The following NVL variants were observed in gnomAD, a reference collection of about 807,000 sequenced individuals.
NVL encodes nuclear VCP like.
NVL carries 84 observed loss-of-function variants against 110.2 expected under a neutral mutation model. The observed-to-expected ratio is 0.76, with a 90% CI of 0.64 to 0.91. The LOEUF is 0.91. Among genes scored for constraint, NVL ranks in the 40% least tolerant of loss-of-function variants. NVL has a pLI of 0.00. For missense variants in NVL, 882 were observed against 1,035.9 expected, an observed-to-expected ratio of 0.85 and a Z score of 2.04; for synonymous variants, 354 against 361.1, an observed-to-expected ratio of 0.98 and a Z score of 0.22.
intron 21 of NVL, 137 bp downstream of exon 21, chr1:224,233,064 C>T (rs375475889): frequency 2.1e-4 from 129 of 627,108 alleles, no homozygotes; most frequent in African/African-American, 1.6e-3. Context: ...TATTTCAGAA[C>T]AGCTTCTAAC....
chr1:224,283,037 C>T (rs1376252479), intron 15 of NVL, among the ~76,000 whole-genome samples: 1 of 152,168 alleles, frequency 6.6e-6, no homozygotes, highest in Admixed American at 6.5e-5. Context: ...TAGTCTTGCA[C>T]CCCTTGGAGA....
intron 16 of NVL, among the ~76,000 whole-genome samples, chr1:224,278,723 A>G (rs980414563): frequency 1.3e-5 from 2 of 152,092 alleles, no homozygotes; most frequent in African/African-American, 4.8e-5. Context: ...TTATAAAAAT[A>G]GTTAGCAATA....
At chr1:224,318,010 T>C in intron 2 of NVL, 80 bp from the exon 3 acceptor site, 2 of 938,000 alleles carry the variant, frequency 2.1e-6, no homozygotes, top group East Asian at 4.9e-5. Flanking sequence ...ATGGATCAAA[T>C]AAATTTTCAT....
At position 224,286,113 on chromosome 1, in the gene NVL, T is replaced by A. The variant is rs772815206; in HGVS notation, c.1812A>T (p.Pro604=). 1 of 1,613,954 alleles carries A rather than the reference T, an allele frequency of 6.2e-7. No homozygotes were observed. ...TMAILAPVRN[P]DQFKALGLVT... ...CCAATCCAAGAGCTTTGAACTGGTC[T>A]GGGTTGCGTACTGGTGCCTGGAAAT... is the stretch of plus-strand genomic sequence containing the variant. The change falls in exon 15 of 23, where the codon CCA becomes CCT. Residue 604 remains proline (P), a synonymous_variant. Transcript: ENST00000281701.
chr1:224,295,496 A>G (rs977483145), intron 11 of NVL, among the ~76,000 whole-genome samples: 6 of 152,016 alleles, frequency 3.9e-5, no homozygotes, highest in Admixed American at 2.0e-4. Flanking sequence ...CACTGCGCCC[A>G]GCCACAGTGT....
At chr1:224,314,601 T>C (rs10799562) in intron 4 of NVL, among the ~76,000 whole-genome samples, 128,618 of 152,172 alleles carry the variant, frequency 0.85, 56,266 homozygotes, top group Non-Finnish European at 0.94. Flanking sequence ...CGGGGGGAAG[T>C]TGACTCTAGG....
At chr1:224,267,041 C>G (rs1664562964) in intron 18 of NVL, among the ~76,000 whole-genome samples, 2 of 152,170 alleles carry the variant, frequency 1.3e-5, no homozygotes. Context: ...CTTGCAATTT[C>G]CTGAGTGCCA....
At chr1:224,233,336 T>C (rs1222494862) in intron 20 of NVL, 47 bp from the exon 21 acceptor site, 2 of 1,454,936 alleles carry the variant, frequency 1.4e-6, no homozygotes, top group Admixed American at 4.7e-5. Context: ...TACTGCAAAA[T>C]CCCAGAAAAA....
In NVL at chr1:224,328,656, AC is replaced by A. The variant is rs554044503; in HGVS notation, c.57+1414del. Reference sequence around the variant, plus strand: ...GGAATATATTTTGAAAGTAAAGCCAACCAGGCTGTTGACAGATGGTATACAG... The same window carrying A: ...GGAATATATTTTGAAAGTAAAGCCAACAGGCTGTTGACAGATGGTATACAG... On this transcript the variant is annotated intron_variant, in intron 1 of 22. Coordinates refer to ENST00000281701, the MANE Select transcript of NVL (RefSeq NM_002533.4). Among the ~76,000 whole-genome samples the A allele has an allele frequency of 5.3e-5, 8 of 152,254 alleles. No homozygotes were observed. The East Asian group carries it at 1.5e-3, about 29-fold the overall frequency.
intron 1 of NVL, among the ~76,000 whole-genome samples, chr1:224,327,862 A>G (rs1421229519): frequency 6.6e-6 from 1 of 151,654 alleles, no homozygotes; most frequent in East Asian, 1.9e-4. Context: ...CATCCAGAGG[A>G]AGAGTAATTC....
Position 224,271,070 on chromosome 1 carries a change from C to T in NVL, c.2083-2937G>A, listed in dbSNP as rs190397306. 2.2e-3 allele frequency among the ~76,000 whole-genome samples: 341 copies of T among 152,254 alleles called. 2 individuals carry two copies. Among genetic ancestry groups the T allele is most frequent in the Non-Finnish European group, 2.0e-3 (135 of 68,012 alleles). On this transcript the variant is annotated intron_variant, in intron 17 of 22. Transcript: ENST00000281701. ...AAGTTCAGCAGAGTTCTATTTACAA[C>T]TGGAAACAATCTAAATGTCCAAAAC... is the stretch of plus-strand genomic sequence containing the variant.
At position 224,287,975 on chromosome 1, in the gene NVL, G is replaced by A; in HGVS notation, c.1594C>T (p.Leu532=). 2 of 1,613,040 alleles carry A rather than the reference G, an allele frequency of 1.2e-6. No individual in the cohort carries two copies. The change falls in exon 14 of 23, where the codon CTG becomes TTG. Residue 532 remains leucine, a synonymous_variant. Coordinates refer to ENST00000281701, the MANE Select transcript of NVL (RefSeq NM_002533.4). The stretch of plus-strand genomic sequence containing the variant: ...GGATCTTGGTCTCTTAGCAACCCCA[G>A]CAGCCTTTGTAATTCATCCTTGAAG... ...SETQDELQRL[L]GLLRDQDPLS...
chr1:224,281,189 G>A lies in NVL; in HGVS notation c.1900-4C>T, dbSNP rs1416754131. On this transcript the variant is annotated splice_region_variant and splice_polypyrimidine_tract_variant and intron_variant, in intron 15 of 22. Transcript: ENST00000281701. ...GTCCGGACTCATTTGCAACAGCCTA[G>A]CAAGAGGAAACAAAAAGACACAAAT... 2 of 1,612,894 alleles carry A rather than the reference G, an allele frequency of 1.2e-6. No homozygotes were observed. The highest frequency in any genetic ancestry group is 3.3e-5 in the Admixed American group (2 of 59,980).
At chr1:224,274,921 G>A (rs1349117655) in intron 17 of NVL, among the ~76,000 whole-genome samples, 1 of 152,108 alleles carries the variant, frequency 6.6e-6, no homozygotes, top group Non-Finnish European at 1.5e-5. Flanking sequence ...CTCACTTTAA[G>A]AGAAAAGGTT....
chr1:224,250,436 C>T lies in NVL; in HGVS notation c.2183-118G>A, dbSNP rs1662342001. The T allele has an allele frequency of 3.4e-6, 3 of 882,940 alleles. No homozygotes were observed. In the South Asian group the frequency reaches 6.9e-5, roughly 20 times the overall value. The allele number at this position is 882,940 out of a possible 1,614,324, so 54.7% of individuals were successfully genotyped here. A position where few individuals can be genotyped will look rare whatever the true frequency, so the allele number is the denominator to read the frequency against. ...CTGGAGTGCAGTGGCATGATCTCAG[C>T]TCACTGCAGCCTCGACCTCCCAGGC... On this transcript the variant is annotated intron_variant, in intron 18 of 22. Coordinates refer to ENST00000281701, the MANE Select transcript of NVL (RefSeq NM_002533.4).
At chr1:224,278,226 C>CTTTTT (rs931102981) in intron 16 of NVL, among the ~76,000 whole-genome samples, 32 of 111,132 alleles carry the variant, frequency 2.9e-4, no homozygotes, top group African/African-American at 4.1e-4. Flanking sequence ...ATCATCTAAT[C>CTTTTT]TTTTTTTTTT....
At chr1:224,264,802 G>A (rs1571880214) in intron 18 of NVL, among the ~76,000 whole-genome samples, 1 of 152,182 alleles carries the variant, frequency 6.6e-6, no homozygotes, top group East Asian at 1.9e-4. Context: ...GTGCAGTGGT[G>A]CAATCTCGGC....
At chr1:224,301,730 G>A in intron 9 of NVL, 1 of 312,124 alleles carries the variant, frequency 3.2e-6, no homozygotes, top group South Asian at 2.3e-5. Context: ...AGCCTGAGAA[G>A]TCAAAGCTGC....
intron 22 of NVL, among the ~76,000 whole-genome samples, chr1:224,230,761 T>A (rs1659785825): frequency 6.6e-6 from 1 of 152,188 alleles, no homozygotes; most frequent in Non-Finnish European, 1.5e-5. Context: ...AAGGCAATTA[T>A]TTTGCTTGTT....
Sources: allele counts gnomAD v4.1 joint callset (sites outside exome capture counted in the v4.1 genomes callset), GRCh38; gene constraint gnomAD v4.1.1; transcripts MANE v1.5; gene names NCBI Gene and HGNC (gene_info 2026-07-23, HGNC 2026-07-21).